OTULINL: variants seen among roughly 807,000 people sequenced by gnomAD.
The protein encoded by OTULINL is inactive ubiquitin thioesterase OTULINL.
OTULINL carries 42 observed loss-of-function variants against 43.9 expected under a neutral mutation model. The ratio of observed to expected loss-of-function variants is 0.96; its 90% CI spans 0.75 to 1.24. The LOEUF (loss-of-function observed/expected upper bound fraction) is 1.24, where lower values mean the gene tolerates loss of function less well. OTULINL is among the 50% of genes most tolerant of loss of function. The pLI, the probability that OTULINL is intolerant of heterozygous loss-of-function variation, is 0.00. For missense variants in OTULINL, 411 were observed against 426.4 expected, an observed-to-expected ratio of 0.96 and a Z score of 0.32; for synonymous variants, 172 against 153.6, an observed-to-expected ratio of 1.12 and a Z score of -0.88.
intron 1 of OTULINL, among the ~76,000 whole-genome samples, chr5:14,584,026 G>A (rs1759063894): frequency 6.6e-6 from 1 of 152,156 alleles, no homozygotes; most frequent in South Asian, 2.1e-4. Context: ...TAGATGCATC[G>A]AAGAAACATT....
chr5:14,600,877 C>G, intron 1 of OTULINL, 88 bp from the exon 2 acceptor site: 1 of 1,106,796 alleles, frequency 9.0e-7, no homozygotes, highest in Non-Finnish European at 1.2e-6. Flanking sequence ...TAAAATTATG[C>G]AATCTCTCTC....
intron 6 of OTULINL, 71 bp from the exon 7 acceptor site, chr5:14,608,677 A>G: frequency 1.7e-6 from 2 of 1,201,978 alleles, no homozygotes; most frequent in Non-Finnish European, 2.3e-6. Flanking sequence ...TTATAAATAC[A>G]TTAAAAGTTA....
chr5:14,585,938 G>T (rs539837008), intron 1 of OTULINL, among the ~76,000 whole-genome samples: 27 of 152,346 alleles, frequency 1.8e-4, no homozygotes, highest in African/African-American at 6.3e-4. Context: ...GTTAACATTT[G>T]TATACTGTTG....
chr5:14,591,969 C>T (rs1264853521), intron 1 of OTULINL, among the ~76,000 whole-genome samples: 1 of 152,164 alleles, frequency 6.6e-6, no homozygotes, highest in Non-Finnish European at 1.5e-5. Context: ...AATGTCCATA[C>T]ATAAAGCTTT....
chr5:14,592,579 A>T (rs758251634), intron 1 of OTULINL, among the ~76,000 whole-genome samples: 2 of 152,248 alleles, frequency 1.3e-5, no homozygotes, highest in Non-Finnish European at 2.9e-5. Flanking sequence ...GGAAACAGTC[A>T]TGAATACACT....
chr5:14,589,577 G>A (rs36103605), intron 1 of OTULINL, among the ~76,000 whole-genome samples: 9,750 of 152,226 alleles, frequency 0.064, 455 homozygotes, highest in East Asian at 0.18. Flanking sequence ...CTAAAACTGG[G>A]AGAGTCCCAG....
intron 1 of OTULINL, among the ~76,000 whole-genome samples, chr5:14,582,578 G>A (rs946565736): frequency 1.3e-5 from 2 of 152,096 alleles, no homozygotes; most frequent in Admixed American, 1.3e-4. Context: ...GGCGGATCAC[G>A]CGGTCAGGAG....
intron 1 of OTULINL, among the ~76,000 whole-genome samples, chr5:14,585,364 C>T (rs373025822): frequency 7.2e-5 from 11 of 152,216 alleles, no homozygotes; most frequent in African/African-American, 2.6e-4. Flanking sequence ...TGTTTTGCCA[C>T]CCATTTGTCC....
rs1028096409 is a variant in OTULINL, at chr5:14,610,285, G to T, written c.1042G>T (p.Asp348Tyr). 6.2e-7 allele frequency: 1 copy of T among 1,611,084 alleles called. No homozygotes were observed. The highest frequency in any genetic ancestry group is 1.9e-4 in the Middle Eastern group (1 of 5,316). Residue 348 changes from aspartate to tyrosine, a missense_variant, in exon 8 of 8, where the codon GAC becomes TAC. By Grantham distance (160) the Asp-to-Tyr change is radical. Coordinates refer to ENST00000274217, the MANE Select transcript of OTULINL (RefSeq NM_019018.3). ...GGAGATCTCCCTGCTGACCGAGAAC[G>T]ACCGCCACTACCACATTCCAGTCTT... Reference protein sequence around the residue: ...WPEISLLTENDRHYHIPVF With the variant: ...WPEISLLTENYRHYHIPVF
Position 14,610,398 on chromosome 5 carries a change from A to G in OTULINL, c.*84A>G. On this transcript the variant is annotated 3_prime_UTR_variant, in exon 8 of 8. Coordinates refer to ENST00000274217, the MANE Select transcript of OTULINL (RefSeq NM_019018.3). ...GTCTCTCTCTGAAACCAAAGCTAGC[A>G]TTTCAGCATGGAAGGAATTAGGACC... The G allele has an allele frequency of 1.4e-6, 2 of 1,417,318 alleles. No individual in the cohort carries two copies. Among genetic ancestry groups the G allele is most frequent in the South Asian group, 1.2e-5 (1 of 82,460 alleles). The allele number at this position is 1,417,318 out of a possible 1,614,324, so 87.8% of individuals were successfully genotyped here.
At position 14,613,294 on chromosome 5, in the gene OTULINL, C is replaced by T. The variant is rs1759612561; in HGVS notation, c.*2980C>T. ...TGCAACCCTCACCACCATCCACCCTCAGAACTTTTTAAAATCTCCAAGACT... is the reference window on the plus strand; with the variant it reads ...TGCAACCCTCACCACCATCCACCCTTAGAACTTTTTAAAATCTCCAAGACT... On this transcript the variant is annotated 3_prime_UTR_variant, in exon 8 of 8. Coordinates refer to ENST00000274217, the MANE Select transcript of OTULINL (RefSeq NM_019018.3). Among the ~76,000 whole-genome samples, 1 of 152,174 alleles carries T rather than the reference C, an allele frequency of 6.6e-6. No homozygotes were observed. The highest frequency in any genetic ancestry group is 2.4e-5 in the African/African-American group (1 of 41,452).
At chr5:14,593,009 T>G (rs1249793014) in intron 1 of OTULINL, among the ~76,000 whole-genome samples, 2 of 152,174 alleles carry the variant, frequency 1.3e-5, no homozygotes, top group Non-Finnish European at 2.9e-5. Flanking sequence ...CTGCATTCCT[T>G]TCCTCTGGAG....
Position 14,583,342 on chromosome 5 carries a change from T to C in OTULINL, c.64+1384T>C, listed in dbSNP as rs529743738. ...GAGAATGAACTCATTTTTTTCAACC[T>C]TTCTGCACCTTGGGTTATTATAAAA... On this transcript the variant is annotated intron_variant, in intron 1 of 7. Coordinates refer to ENST00000274217, the MANE Select transcript of OTULINL (RefSeq NM_019018.3). 1.1e-4 allele frequency among the ~76,000 whole-genome samples: 17 copies of C among 152,290 alleles called. No homozygotes were observed. In the South Asian group the frequency reaches 3.5e-3, roughly 32 times the overall value.
At chr5:14,599,413 G>A (rs1759345848) in intron 1 of OTULINL, among the ~76,000 whole-genome samples, 2 of 152,012 alleles carry the variant, frequency 1.3e-5, no homozygotes, top group South Asian at 2.1e-4. Context: ...ACTTGAACCC[G>A]GGAGGCAGAG....
In OTULINL at chr5:14,614,116, A is replaced by C. The variant is rs1436341084; in HGVS notation, c.*3802A>C. The stretch of plus-strand genomic sequence containing the variant: ...TAGCAATAATTTTCTCTTAAATAGC[A>C]AATTTCTAAAGCTGTATGATTCTCT... On this transcript the variant is annotated 3_prime_UTR_variant, in exon 8 of 8. Transcript: ENST00000274217. Among the ~76,000 whole-genome samples the C allele has an allele frequency of 6.6e-6, 1 of 152,222 alleles. No individual in the cohort carries two copies. The highest frequency in any genetic ancestry group is 2.4e-5 in the African/African-American group (1 of 41,446).
intron 1 of OTULINL, among the ~76,000 whole-genome samples, chr5:14,584,065 A>AAG (rs1164525000): frequency 6.6e-6 from 1 of 152,214 alleles, no homozygotes; most frequent in Admixed American, 6.5e-5. Flanking sequence ...GTGCCCAGAG[A>AAG]AGATGCTGTC....
In OTULINL at chr5:14,607,439, T is replaced by C; in HGVS notation, c.608T>C (p.Val203Ala). Residue 203 changes from valine to alanine, a missense_variant, in exon 6 of 8, where the codon GTG becomes GCG. Transcript: ENST00000274217. Reference sequence around the variant, plus strand: ...GTGTTTGGAAAACTACGGAAATATGTGGAATTATTGAAAACACAGGTAAGT... The same window carrying C: ...GTGTTTGGAAAACTACGGAAATATGCGGAATTATTGAAAACACAGGTAAGT... Reference protein sequence around the residue: ...SNVFGKLRKYVELLKTQWTEF... With the variant: ...SNVFGKLRKYAELLKTQWTEF... The C allele has an allele frequency of 6.2e-7, 1 of 1,614,014 alleles. No individual in the cohort carries two copies.
In OTULINL at chr5:14,610,610, GACA is replaced by G. The variant is rs1200323892; in HGVS notation, c.*303_*305del. 1.7e-5 allele frequency: 4 copies of G among 229,866 alleles called. No homozygotes were observed. Among genetic ancestry groups the G allele is most frequent in the African/African-American group, 4.5e-5 (2 of 44,934 alleles). 14.2% of individuals were successfully genotyped at this position (229,866 alleles called of 1,614,324 possible). Reference sequence around the variant, plus strand: ...TAAGAGCACAAAGAAGTTTAATATGGACAACAACAGGAAAAAGCAAGAAGAAAA... The same window carrying G: ...TAAGAGCACAAAGAAGTTTAATATGGACAACAGGAAAAAGCAAGAAGAAAA... On this transcript the variant is annotated 3_prime_UTR_variant, in exon 8 of 8. Transcript: ENST00000274217.
chr5:14,609,085 G>A, intron 7 of OTULINL, 68 bp downstream of exon 7: 2 of 1,517,962 alleles, frequency 1.3e-6, no homozygotes, highest in Non-Finnish European at 1.8e-6. Context: ...ACACAGAGGT[G>A]TCTGGGGTGA....
Sources: gnomAD v4.1 joint callset for allele counts (sites outside exome capture counted in the v4.1 genomes callset) on GRCh38, gnomAD v4.1.1 for gene constraint, MANE v1.5 for transcripts, NCBI Gene and HGNC (gene_info 2026-07-23, HGNC 2026-07-21) for gene names.